Variants in KANSL3 observed in about 807,000 individuals in gnomAD.
KANSL3 encodes the protein KAT8 regulatory NSL complex subunit 3.
A neutral mutation model predicts 89.2 loss-of-function variants in KANSL3; 16 were observed. The ratio of observed to expected loss-of-function variants is 0.18; its 90% CI spans 0.12 to 0.27. The LOEUF is 0.27. KANSL3 is among the 10% of genes least tolerant of loss of function. The probability of loss-of-function intolerance (pLI) is 1.00; values close to 1 mark genes in which losing one functional copy is unlikely to be tolerated. For missense variants in KANSL3, 879 were observed against 1,110.6 expected (o/e 0.79, Z 2.96); for synonymous variants, 385 against 419.7 (o/e 0.92, Z 1.01).
chr2:96,587,569 GA>G, the KANSL3 span, among the ~76,000 whole-genome samples: 1 of 152,200 alleles, frequency 6.6e-6, no homozygotes, highest in Non-Finnish European at 1.5e-5. Context: ...AAGATTTAAA[GA>G]AGATCGAGTT....
At chr2:96,600,408 AAAT>A in intron 20 of KANSL3, 1 of 955,048 alleles carries the variant, frequency 1.0e-6, no homozygotes, top group Non-Finnish European at 1.2e-6. Context: ...AAAAAATAAG[AAAT>A]AAGATAAAAT....
chr2:96,623,879 G>T (rs889111932), intron 3 of KANSL3, among the ~76,000 whole-genome samples: 6 of 152,224 alleles, frequency 3.9e-5, no homozygotes, highest in African/African-American at 1.4e-4. Context: ...CTTCAGAAGC[G>T]CCCTCCATCT....
At chr2:96,624,864 A>G (rs978401432) in intron 3 of KANSL3, among the ~76,000 whole-genome samples, 7 of 151,948 alleles carry the variant, frequency 4.6e-5, no homozygotes, top group African/African-American at 1.5e-4. Context: ...GTATCTCTGT[A>G]GGATAATTTT....
At chr2:96,610,260 T>C in intron 11 of KANSL3, 1 of 154,208 alleles carries the variant, frequency 6.5e-6, no homozygotes, top group East Asian at 1.9e-4. Flanking sequence ...GTTATAACTT[T>C]TTATAAATCT....
chr2:96,610,664 T>C, intron 11 of KANSL3, 62 bp downstream of exon 11: 1 of 1,581,696 alleles, frequency 6.3e-7, no homozygotes, highest in Admixed American at 1.7e-5. Context: ...CATTGCCAGC[T>C]TCCAGGCTTA....
chr2:96,624,075 G>A (rs1431537896), intron 3 of KANSL3, among the ~76,000 whole-genome samples: 1 of 152,196 alleles, frequency 6.6e-6, no homozygotes, highest in African/African-American at 2.4e-5. Context: ...TTTGTGGTTT[G>A]ATATTCAGAG....
rs759059452 is a variant in KANSL3, at chr2:96,608,998, G to C, written c.1450C>G (p.Arg484Gly). 2.6e-6 allele frequency: 4 copies of C among 1,564,376 alleles called. No homozygotes were observed. The East Asian group carries it at 7.1e-5, about 28-fold the overall frequency. ...TTCTTCTTCTCAGCATCCTGATCCC[G>C]AGGTTCAGAGCCCATGTGACCCTCA... Reference protein sequence around the residue: ...RAEGHMGSEPRDQDAEKKKKP... With the variant: ...RAEGHMGSEPGDQDAEKKKKP... The change falls in exon 13 of 21, where the codon CGG (arginine) becomes GGG (glycine). Residue 484 changes from arginine to glycine, a missense_variant. By Grantham distance (125) the Arg-to-Gly change is moderately radical. Coordinates refer to ENST00000431828, the MANE Select transcript of KANSL3 (RefSeq NM_001115016.3).
downstream of KANSL3, among the ~76,000 whole-genome samples, chr2:96,592,132 TAG>T (rs1162616216): frequency 6.6e-6 from 1 of 152,008 alleles, no homozygotes; most frequent in Non-Finnish European, 1.5e-5. Flanking sequence ...TCAGTGAGAC[TAG>T]AGTTTGAGGG....
intron 20 of KANSL3, chr2:96,601,364 G>A (rs1174380894): frequency 6.1e-6 from 6 of 985,166 alleles, no homozygotes; most frequent in East Asian, 1.1e-4. Context: ...AAAATGAAAC[G>A]AAAGGAAAAG....
In KANSL3 at chr2:96,637,070, G is replaced by A. The variant is rs1469285283; in HGVS notation, c.66C>T (p.Leu22=). Residue 22 remains leucine, a synonymous_variant, in exon 2 of 21, where the codon CTC becomes CTT. Transcript: ENST00000431828. ...TSARRMGTSL[L]FQLSVHEREL... ...CCCGTTCATGCACTGAAAGCTGGAA[G>A]AGCAGCGAGGTGCCCATGCGTCGAG... The A allele has an allele frequency of 1.9e-6, 3 of 1,551,722 alleles. No homozygotes were observed. Among genetic ancestry groups the A allele is most frequent in the Non-Finnish European group, 1.7e-6 (2 of 1,147,006 alleles).
chr2:96,624,870 AT>A (rs1389787414), intron 3 of KANSL3, among the ~76,000 whole-genome samples: 2 of 151,840 alleles, frequency 1.3e-5, no homozygotes, highest in African/African-American at 4.8e-5. Context: ...CTGTAGGATA[AT>A]TTTCTTCAAA....
chr2:96,627,215 T>C (rs1326099776), intron 3 of KANSL3, among the ~76,000 whole-genome samples: 3 of 151,704 alleles, frequency 2.0e-5, no homozygotes, highest in Non-Finnish European at 4.4e-5. Flanking sequence ...GGGAGGAACA[T>C]GCTTCTTTTT....
chr2:96,607,837 C>G (rs1019018890), intron 14 of KANSL3, among the ~76,000 whole-genome samples: 1 of 152,188 alleles, frequency 6.6e-6, no homozygotes, highest in Admixed American at 6.5e-5. Context: ...GCTCAGGTGA[C>G]ATGCTCCTGG....
chr2:96,582,129 A>G, the KANSL3 span, among the ~76,000 whole-genome samples: 1 of 152,164 alleles, frequency 6.6e-6, no homozygotes, highest in Non-Finnish European at 1.5e-5. Flanking sequence ...GGTGGCTCAC[A>G]TCTATAATCC....
At chr2:96,590,262 T>C (rs2066263381), downstream of KANSL3, among the ~76,000 whole-genome samples, 3 of 151,676 alleles carry the variant, frequency 2.0e-5, no homozygotes, top group Non-Finnish European at 4.4e-5. Flanking sequence ...GAATGTAAAA[T>C]AGTACAACTA....
chr2:96,612,060 T>C (rs2069098686), intron 9 of KANSL3, among the ~76,000 whole-genome samples: 1 of 151,972 alleles, frequency 6.6e-6, no homozygotes, highest in African/African-American at 2.4e-5. Flanking sequence ...TGGGTGAGGA[T>C]CCGGGGGTTT....
chr2:96,609,604 G>C, intron 11 of KANSL3, 42 bp from the exon 12 acceptor site: 1 of 1,484,204 alleles, frequency 6.7e-7, no homozygotes. Flanking sequence ...CTTACACATT[G>C]CACGGCATCC....
chr2:96,593,058 T>A (rs1274645807), downstream of KANSL3: 3 of 307,112 alleles, frequency 9.8e-6, no homozygotes, highest in South Asian at 5.6e-5. Context: ...ATTGGTGAGG[T>A]GATGATCACT....
At chr2:96,613,688 CAGA>C (rs2069421779) in intron 5 of KANSL3, 69 bp from the exon 6 acceptor site, 1 of 1,457,206 alleles carries the variant, frequency 6.9e-7, no homozygotes, top group Non-Finnish European at 9.5e-7. Context: ...AGCAATCAAG[CAGA>C]AGAACAGAGC....
Sources: gnomAD v4.1 joint callset for allele counts (sites outside exome capture counted in the v4.1 genomes callset) on GRCh38, gnomAD v4.1.1 for gene constraint, MANE v1.5 for transcripts, NCBI Gene and HGNC (gene_info 2026-07-23, HGNC 2026-07-21) for gene names.